AK8: variants seen among roughly 807,000 people sequenced by gnomAD.
AK8 encodes the protein ATP-AMP transphosphorylase 8.
In AK8, 44 loss-of-function variants were observed where a neutral mutation model predicts 54.6. The observed-to-expected ratio is 0.81, with a 90% CI of 0.63 to 1.04. AK8 has a LOEUF of 1.04. AK8 is among the 50% of genes least tolerant of loss of function. AK8 has a pLI of 0.00. For missense variants in AK8, 555 were observed against 613.6 expected, an observed-to-expected ratio of 0.90 and a Z score of 1.01; for synonymous variants, 239 against 245.6, an observed-to-expected ratio of 0.97 and a Z score of 0.25.
intron 11 of AK8, among the ~76,000 whole-genome samples, chr9:132,765,284 C>A (rs1389237465): frequency 5.4e-5 from 3 of 56,012 alleles, no homozygotes; most frequent in African/African-American, 1.9e-4. Flanking sequence ...CAGAGCGAGA[C>A]TCCATTTCAA....
chr9:132,778,994 T>C (rs1839346059), intron 11 of AK8, among the ~76,000 whole-genome samples: 1 of 151,930 alleles, frequency 6.6e-6, no homozygotes, highest in Non-Finnish European at 1.5e-5. Context: ...CCTTCCCCAC[T>C]TCCAAGCCAA....
At chr9:132,737,627 AATC>A (rs1311921968) in intron 11 of AK8, among the ~76,000 whole-genome samples, 19 of 152,252 alleles carry the variant, frequency 1.2e-4, no homozygotes, top group Non-Finnish European at 2.6e-4. Context: ...AAAAGTTTAT[AATC>A]ATCTCAACAG....
At chr9:132,733,874 G>A (rs1836978919) in intron 11 of AK8, among the ~76,000 whole-genome samples, 1 of 152,218 alleles carries the variant, frequency 6.6e-6, no homozygotes. Context: ...CTGGCCAGGG[G>A]CGGGCACTCT....
At chr9:132,761,289 C>G (rs1180823929) in intron 11 of AK8, among the ~76,000 whole-genome samples, 1 of 127,390 alleles carries the variant, frequency 7.8e-6, no homozygotes, top group East Asian at 2.1e-4. Context: ...TTTTTTGAGA[C>G]AGGGTCTCAC....
intron 4 of AK8, among the ~76,000 whole-genome samples, chr9:132,862,107 T>C: frequency 6.6e-6 from 1 of 152,212 alleles, no homozygotes; most frequent in East Asian, 1.9e-4. Flanking sequence ...GAAAATGAGA[T>C]AACCACTTTC....
intron 5 of AK8, among the ~76,000 whole-genome samples, chr9:132,852,627 A>T (rs1843009166): frequency 6.8e-6 from 1 of 147,548 alleles, no homozygotes; most frequent in Non-Finnish European, 1.5e-5. Context: ...AAAAAAAATT[A>T]GGCACGGTGG....
intron 11 of AK8, among the ~76,000 whole-genome samples, chr9:132,785,912 C>A (rs990561326): frequency 2.4e-4 from 36 of 152,294 alleles, no homozygotes; most frequent in African/African-American, 8.4e-4. Context: ...CTTCTTGAAA[C>A]CCGCACCAGA....
chr9:132,843,720 T>G (rs1295390881), intron 5 of AK8, among the ~76,000 whole-genome samples: 1 of 152,184 alleles, frequency 6.6e-6, no homozygotes, highest in African/African-American at 2.4e-5. Flanking sequence ...TCTCTATGTT[T>G]AAAGTCATCC....
intron 11 of AK8, among the ~76,000 whole-genome samples, chr9:132,738,057 C>CT (rs34835031): frequency 1.2e-4 from 17 of 144,378 alleles, no homozygotes; most frequent in African/African-American, 2.0e-4. Flanking sequence ...TGCTGAATTA[C>CT]TTTTTTTTTT....
upstream of AK8, chr9:132,878,606 C>A: frequency 3.7e-6 from 4 of 1,083,570 alleles, no homozygotes; most frequent in Non-Finnish European, 4.5e-6. The surrounding 1 kb of genome is among the most constrained non-coding windows in gnomAD (Gnocchi z 4.7). Flanking sequence ...GCTTCTGGTT[C>A]TGTCAGTGCT....
intron 8 of AK8, among the ~76,000 whole-genome samples, chr9:132,824,472 G>A (rs1841792304): frequency 1.3e-5 from 2 of 152,208 alleles, no homozygotes; most frequent in Admixed American, 1.3e-4. Context: ...CCAGGAACCA[G>A]GCAGGTTCCT....
chr9:132,843,546 G>A (rs1842624688), intron 5 of AK8, among the ~76,000 whole-genome samples: 1 of 152,210 alleles, frequency 6.6e-6, no homozygotes, highest in Non-Finnish European at 1.5e-5. Flanking sequence ...ACAAAGGCCT[G>A]AGCAGGGTGG....
At chr9:132,763,751 TG>T (rs745679534) in intron 11 of AK8, among the ~76,000 whole-genome samples, 2 of 152,234 alleles carry the variant, frequency 1.3e-5, no homozygotes, top group South Asian at 4.1e-4. Context: ...TGTTCTGGTT[TG>T]GGGGGCTGCC....
At chr9:132,783,518 ATC>A (rs910674909) in intron 11 of AK8, among the ~76,000 whole-genome samples, 17 of 152,018 alleles carry the variant, frequency 1.1e-4, no homozygotes, top group African/African-American at 4.1e-4. Context: ...GAATATATCC[ATC>A]TTGGGACCCA....
intron 11 of AK8, among the ~76,000 whole-genome samples, chr9:132,761,972 C>T (rs1168222719): frequency 6.6e-6 from 1 of 152,062 alleles, no homozygotes; most frequent in Non-Finnish European, 1.5e-5. Flanking sequence ...CCAGTTCAAG[C>T]AATTCTTGTG....
At chr9:132,748,118 A>AAATG (rs1837741367) in intron 11 of AK8, among the ~76,000 whole-genome samples, 1 of 151,808 alleles carries the variant, frequency 6.6e-6, no homozygotes, top group South Asian at 2.1e-4. Context: ...ATAAATAAAT[A>AAATG]AATAAACAAA....
At chr9:132,823,377 G>A (rs745765828) in intron 8 of AK8, 41 bp from the exon 9 acceptor site, 2 of 1,611,942 alleles carry the variant, frequency 1.2e-6, no homozygotes, top group Non-Finnish European at 1.7e-6. Context: ...CCAGGTCCTA[G>A]AGAACAGGAA....
intron 11 of AK8, among the ~76,000 whole-genome samples, chr9:132,738,751 A>AC (rs1837231230): frequency 9.9e-6 from 1 of 100,726 alleles, no homozygotes; most frequent in Admixed American, 1.2e-4. Context: ...TATGTTCATG[A>AC]CTTTTTTTTT....
At chr9:132,729,886 G>A (rs1836754803) in intron 11 of AK8, among the ~76,000 whole-genome samples, 1 of 152,188 alleles carries the variant, frequency 6.6e-6, no homozygotes, top group Non-Finnish European at 1.5e-5. Flanking sequence ...TACGTGCGGA[G>A]AAAACACACA....
Sources: allele counts gnomAD v4.1 joint callset (sites outside exome capture counted in the v4.1 genomes callset), GRCh38; gene constraint gnomAD v4.1.1; non-coding constraint Gnocchi (gnomAD v3.1); transcripts MANE v1.5; gene names NCBI Gene and HGNC (gene_info 2026-07-23, HGNC 2026-07-21).